The following PPP2R2C variants were observed in gnomAD, a reference collection of about 807,000 sequenced individuals.
PPP2R2C encodes protein phosphatase 2, regulatory subunit B, gamma.
In PPP2R2C, 10 loss-of-function variants were observed where a neutral mutation model predicts 45.3. That is an observed-to-expected ratio of 0.22 (90% CI 0.14 to 0.37). The LOEUF (loss-of-function observed/expected upper bound fraction) is 0.37, where lower values mean the gene tolerates loss of function less well. Ranked by LOEUF, PPP2R2C falls within the 10% of genes least tolerant of loss-of-function variation. The pLI is 1.00. For synonymous variants in PPP2R2C, 257 were observed against 245.4 expected (o/e 1.05, Z -0.44); for missense variants, 308 against 619.7 (o/e 0.50, Z 5.34).
In PPP2R2C at chr4:6,324,040, G is replaced by A. The variant is rs1731746722; in HGVS notation, c.1053-447C>T. 6.6e-6 allele frequency among the ~76,000 whole-genome samples: 1 copy of A among 152,150 alleles called. No homozygotes were observed. The highest frequency in any genetic ancestry group is 1.5e-5 in the Non-Finnish European group (1 of 68,028). The stretch of plus-strand genomic sequence containing the variant: ...CCTGCCTCTATTCCCCTGTATCTTG[G>A]GGTCTCTTATACCCCCTCACATGTC... On this transcript the variant is annotated intron_variant, in intron 8 of 8. Coordinates refer to ENST00000382599, the MANE Select transcript of PPP2R2C (RefSeq NM_020416.4). The surrounding 1 kb of genome is among the most constrained non-coding windows in gnomAD (Gnocchi z 4.1).
intron 5 of PPP2R2C, among the ~76,000 whole-genome samples, chr4:6,370,696 A>C (rs1577117604): frequency 6.6e-6 from 1 of 152,160 alleles, no homozygotes; most frequent in South Asian, 2.1e-4. Context: ...GAGAGCCATC[A>C]CCCACGATGC....
In PPP2R2C at chr4:6,472,610, G is replaced by C. The variant is rs1287814786; in HGVS notation, c.-381C>G. Among the ~76,000 whole-genome samples the C allele has an allele frequency of 6.8e-6, 1 of 146,660 alleles. No individual in the cohort carries two copies. Among genetic ancestry groups the C allele is most frequent in the Non-Finnish European group, 1.5e-5 (1 of 65,982 alleles). Reference sequence around the variant, plus strand: ...GCGCCGACCAAGCCGGGGCCGAGCCGGGCTGCGCGGGCTGGGGCCGCCGCC... The same window carrying C: ...GCGCCGACCAAGCCGGGGCCGAGCCCGGCTGCGCGGGCTGGGGCCGCCGCC... On this transcript the variant is annotated 5_prime_UTR_variant, in exon 1 of 9. Coordinates refer to ENST00000382599, the MANE Select transcript of PPP2R2C (RefSeq NM_020416.4).
chr4:6,344,510 A>G (rs1711642999), intron 6 of PPP2R2C, among the ~76,000 whole-genome samples: 1 of 152,182 alleles, frequency 6.6e-6, no homozygotes, highest in South Asian at 2.1e-4. Context: ...TGCCCCCTCT[A>G]GCCCACTGAA....
intron 1 of PPP2R2C, among the ~76,000 whole-genome samples, chr4:6,558,428 TCTCTC>T (rs1480668154): frequency 1.3e-5 from 2 of 152,138 alleles, no homozygotes; most frequent in Non-Finnish European, 2.9e-5. Context: ...AGAGCCCTCT[TCTCTC>T]CTCCTGGGAC....
intron 6 of PPP2R2C, among the ~76,000 whole-genome samples, chr4:6,339,265 G>T (rs563632051): frequency 6.6e-6 from 1 of 152,186 alleles, no homozygotes; most frequent in Admixed American, 6.5e-5. Flanking sequence ...TTGGGCCAGG[G>T]GTCCTGCCTT....
At chr4:6,354,511 G>C (rs556661950) in intron 5 of PPP2R2C, among the ~76,000 whole-genome samples, 1 of 151,808 alleles carries the variant, frequency 6.6e-6, no homozygotes, top group Non-Finnish European at 1.5e-5. Context: ...CCTCACACAC[G>C]ACCTGCCCAG....
At chr4:6,480,336 C>T (rs911224364) in intron 2 of PPP2R2C, among the ~76,000 whole-genome samples, 5 of 152,086 alleles carry the variant, frequency 3.3e-5, no homozygotes, top group Admixed American at 2.0e-4. Flanking sequence ...AATGGTGTGC[C>T]GGAGCTTGCC....
chr4:6,483,742 C>T (rs1722443426), intron 2 of PPP2R2C, among the ~76,000 whole-genome samples: 1 of 151,996 alleles, frequency 6.6e-6, no homozygotes, highest in African/African-American at 2.4e-5. Context: ...TTTTCATTCT[C>T]TTAAGTGTCT....
chr4:6,428,112 C>T (rs189728184), intron 1 of PPP2R2C, among the ~76,000 whole-genome samples: 3 of 152,342 alleles, frequency 2.0e-5, no homozygotes, highest in African/African-American at 7.2e-5. Flanking sequence ...ATGTCACAAT[C>T]CATACCTTCC....
intron 1 of PPP2R2C, chr4:6,382,517 C>A: frequency 7.4e-7 from 1 of 1,352,012 alleles, no homozygotes; most frequent in Non-Finnish European, 9.8e-7. Context: ...GTCACCATAA[C>A]TGAATTCTGA....
At chr4:6,381,934 G>A (rs2109315155) in intron 1 of PPP2R2C, 1 of 1,550,776 alleles carries the variant, frequency 6.4e-7, no homozygotes, top group Non-Finnish European at 8.7e-7. Context: ...ACAGAGATGA[G>A]TGGCCTGCAC....
intron 1 of PPP2R2C, among the ~76,000 whole-genome samples, chr4:6,448,880 C>G (rs534269138): frequency 6.6e-6 from 1 of 152,142 alleles, no homozygotes; most frequent in Non-Finnish European, 1.5e-5. Context: ...GAACTCCGGG[C>G]GGGGGCTGAC....
intron 1 of PPP2R2C, among the ~76,000 whole-genome samples, chr4:6,470,228 A>G (rs1039240955): frequency 6.6e-6 from 1 of 152,218 alleles, no homozygotes; most frequent in African/African-American, 2.4e-5. Context: ...GCACAAGGGC[A>G]GGGAGTCTTT....
In PPP2R2C at chr4:6,341,138, T is replaced by C. The variant is rs368457088; in HGVS notation, c.790+6708A>G. Among the ~76,000 whole-genome samples the C allele has an allele frequency of 1.4e-4, 22 of 152,302 alleles. No individual in the cohort carries two copies. In the East Asian group the frequency reaches 2.5e-3, roughly 17 times the overall value. On this transcript the variant is annotated intron_variant, in intron 6 of 8. Coordinates refer to ENST00000382599, the MANE Select transcript of PPP2R2C (RefSeq NM_020416.4). ...GGACAGATCACCTGACGTCAGGAGT[T>C]TGAGACCAGCCTGGCCAACATGGCA... is the stretch of plus-strand genomic sequence containing the variant.
chr4:6,455,789 C>T (rs1030405268), intron 1 of PPP2R2C, among the ~76,000 whole-genome samples: 4 of 152,176 alleles, frequency 2.6e-5, no homozygotes, highest in African/African-American at 9.7e-5. Flanking sequence ...CACACCACGC[C>T]GTGCTGTGCC....
intron 1 of PPP2R2C, chr4:6,384,153 G>A (rs1312274215): frequency 2.0e-6 from 2 of 985,384 alleles, no homozygotes; most frequent in Non-Finnish European, 2.4e-6. Context: ...CTGGCCCAGG[G>A]ACACCCAGAC....
chr4:6,503,858 T>C (rs1208709462), intron 2 of PPP2R2C, among the ~76,000 whole-genome samples: 4 of 149,096 alleles, frequency 2.7e-5, no homozygotes, highest in African/African-American at 9.9e-5. Context: ...GCAAAGTAGG[T>C]CCTATCAGAC....
intron 1 of PPP2R2C, among the ~76,000 whole-genome samples, chr4:6,406,249 G>A (rs1207207554): frequency 6.6e-6 from 1 of 152,190 alleles, no homozygotes; most frequent in African/African-American, 2.4e-5. Context: ...CTCAGCCAAA[G>A]GGATCTAAAC....
chr4:6,472,061 GAC>G, intron 1 of PPP2R2C, 97 bp downstream of exon 1: 1 of 1,461,354 alleles, frequency 6.8e-7, no homozygotes, highest in Non-Finnish European at 9.4e-7. Flanking sequence ...GGGGGGACAC[GAC>G]ACACATCGCG....
Sources: allele counts gnomAD v4.1 joint callset (sites outside exome capture counted in the v4.1 genomes callset), GRCh38; gene constraint gnomAD v4.1.1; non-coding constraint Gnocchi (gnomAD v3.1); transcripts MANE v1.5; gene names NCBI Gene and HGNC (gene_info 2026-07-23, HGNC 2026-07-21).